The following JAKMIP2 variants were observed in gnomAD, a reference collection of about 807,000 sequenced individuals.
The protein encoded by JAKMIP2 is janus kinase and microtubule-interacting protein 2.
A neutral mutation model predicts 115.0 loss-of-function variants in JAKMIP2; 25 were observed. The ratio of observed to expected loss-of-function variants is 0.22; its 90% CI spans 0.16 to 0.30. The LOEUF (loss-of-function observed/expected upper bound fraction) is 0.30, where lower values mean the gene tolerates loss of function less well. Ranked by LOEUF, JAKMIP2 falls within the 10% of genes least tolerant of loss-of-function variation. The pLI is 1.00. For synonymous variants in JAKMIP2, 334 were observed against 343.6 expected, an observed-to-expected ratio of 0.97 and a Z score of 0.31; for missense variants, 642 against 957.6, an observed-to-expected ratio of 0.67 and a Z score of 4.35.
At chr5:147,621,016 A>AT (rs1167171763) in intron 17 of JAKMIP2, among the ~76,000 whole-genome samples, 3 of 152,232 alleles carry the variant, frequency 2.0e-5, no homozygotes, top group African/African-American at 7.2e-5. Flanking sequence ...TTAAGTATAG[A>AT]TTTTGACTAG....
At chr5:147,630,942 C>T (rs1473827055) in intron 14 of JAKMIP2, among the ~76,000 whole-genome samples, 2 of 152,082 alleles carry the variant, frequency 1.3e-5, no homozygotes, top group African/African-American at 4.8e-5. Flanking sequence ...AAGAGGAATC[C>T]TCCCTAAATT....
At chr5:147,604,098 A>AGT (rs1481154576) in intron 20 of JAKMIP2, among the ~76,000 whole-genome samples, 4 of 152,186 alleles carry the variant, frequency 2.6e-5, no homozygotes, top group African/African-American at 9.6e-5. Context: ...GAAGATATTA[A>AGT]GTGTGGTCTT....
chr5:147,723,397 GA>G (rs925228639), intron 1 of JAKMIP2, among the ~76,000 whole-genome samples: 1 of 151,918 alleles, frequency 6.6e-6, no homozygotes, highest in African/African-American at 2.4e-5. Context: ...AGAATGGGGG[GA>G]AAGTTTAACA....
rs116377532 is a variant in JAKMIP2, at chr5:147,678,462, A to G, written c.-148-6508T>C. Reference sequence around the variant, plus strand: ...CTGGGTCCATCCATGTCACAAATGAAAATTTTCTTTGTTTTTAAAAGCTGA... The same window carrying G: ...CTGGGTCCATCCATGTCACAAATGAGAATTTTCTTTGTTTTTAAAAGCTGA... On this transcript the variant is annotated intron_variant, in intron 1 of 21. Transcript: ENST00000616793. Among the ~76,000 whole-genome samples the G allele has an allele frequency of 3.5e-3, 531 of 152,268 alleles. 3 individuals are homozygous for G. Among genetic ancestry groups the G allele is most frequent in the African/African-American group, 0.012 (492 of 41,558 alleles).
chr5:147,757,250 G>A (rs1445681366), intron 1 of JAKMIP2, among the ~76,000 whole-genome samples: 3 of 152,006 alleles, frequency 2.0e-5, no homozygotes, highest in African/African-American at 4.8e-5. Context: ...CAACCTTCCT[G>A]TAAACTTTTT....
At chr5:147,707,997 C>G (rs1017133105) in intron 1 of JAKMIP2, among the ~76,000 whole-genome samples, 1 of 152,032 alleles carries the variant, frequency 6.6e-6, no homozygotes, top group Non-Finnish European at 1.5e-5. Context: ...GAGAAGAGGG[C>G]AATTTAAATT....
At chr5:147,657,202 C>T (rs1186046401) in intron 3 of JAKMIP2, among the ~76,000 whole-genome samples, 1 of 150,110 alleles carries the variant, frequency 6.7e-6, no homozygotes, top group Non-Finnish European at 1.5e-5. Flanking sequence ...ATGGCATGAA[C>T]CCGGGAGGCG....
chr5:147,739,781 A>G (rs188642898), intron 1 of JAKMIP2, among the ~76,000 whole-genome samples: 2 of 152,066 alleles, frequency 1.3e-5, no homozygotes, highest in African/African-American at 4.8e-5. Flanking sequence ...CGCTTAAATC[A>G]AGTTCTGAGC....
At chr5:147,777,364 G>A (rs1755596403) in intron 1 of JAKMIP2, among the ~76,000 whole-genome samples, 1 of 152,130 alleles carries the variant, frequency 6.6e-6, no homozygotes. Context: ...TTAAAATTCA[G>A]TAGAGACACA....
At chr5:147,664,380 T>C (rs1490248908) in intron 2 of JAKMIP2, among the ~76,000 whole-genome samples, 1 of 152,150 alleles carries the variant, frequency 6.6e-6, no homozygotes, top group Non-Finnish European at 1.5e-5. Context: ...TCAGGAAGGT[T>C]TGGTTGGATT....
rs574582792 is a variant in JAKMIP2 at position 147,772,289 on chromosome 5, T to C, written c.-149+10167A>G. 9.6e-4 allele frequency among the ~76,000 whole-genome samples: 146 copies of C among 152,276 alleles called. 2 individuals carry two copies. The highest frequency in any genetic ancestry group is 3.4e-3 in the African/African-American group (142 of 41,560). ...TCATTGGGATTGCCCACAAACCAGATCTAAAGCATTAAATTTCATACAGAT... is the reference window on the plus strand; with the variant it reads ...TCATTGGGATTGCCCACAAACCAGACCTAAAGCATTAAATTTCATACAGAT... On this transcript the variant is annotated intron_variant, in intron 1 of 21. Transcript: ENST00000616793.
chr5:147,634,054 T>C (rs188394828), intron 12 of JAKMIP2, among the ~76,000 whole-genome samples: 2 of 152,322 alleles, frequency 1.3e-5, no homozygotes, highest in East Asian at 3.9e-4. Flanking sequence ...GAGCTTCCCT[T>C]GATATTAGCT....
intron 12 of JAKMIP2, 152 bp downstream of exon 12, chr5:147,636,070 G>C: frequency 1.6e-6 from 1 of 623,608 alleles, no homozygotes; most frequent in South Asian, 1.9e-5. Context: ...CGGTGACAGG[G>C]ATGCGGTTGA....
At chr5:147,740,380 C>CAG (rs1398453918) in intron 1 of JAKMIP2, among the ~76,000 whole-genome samples, 10 of 152,196 alleles carry the variant, frequency 6.6e-5, no homozygotes, top group African/African-American at 2.4e-4. Flanking sequence ...ACTGTGAAGC[C>CAG]AGACTGCACA....
At chr5:147,695,826 T>C (rs1752084224) in intron 1 of JAKMIP2, among the ~76,000 whole-genome samples, 1 of 152,026 alleles carries the variant, frequency 6.6e-6, no homozygotes, top group Admixed American at 6.6e-5. Flanking sequence ...TGACTTAGAC[T>C]GAGACCTAAG....
intron 1 of JAKMIP2, among the ~76,000 whole-genome samples, chr5:147,702,767 T>C (rs1036208938): frequency 6.6e-6 from 1 of 151,946 alleles, no homozygotes; most frequent in Non-Finnish European, 1.5e-5. Context: ...AAGCTGATGA[T>C]CCAAACATGG....
rs182107746 is a variant in JAKMIP2, at chr5:147,587,454, T to A, written c.*4253A>T. ...TGTGTGTGTGTGTTTGTGTGTGTAT[T>A]CTGTGCCACTCTTTGACAGATTGAA... On this transcript the variant is annotated 3_prime_UTR_variant, in exon 22 of 22. Coordinates refer to ENST00000616793, the MANE Select transcript of JAKMIP2 (RefSeq NM_001270941.2). The A allele has an allele frequency of 1.0e-3, 153 of 152,104 alleles. No individual in the cohort carries two copies. The highest frequency in any genetic ancestry group is 3.3e-3 in the African/African-American group (135 of 41,528). 9.4% of individuals were successfully genotyped at this position (152,104 alleles called of 1,614,324 possible).
At chr5:147,759,099 T>C (rs1201950778) in intron 1 of JAKMIP2, among the ~76,000 whole-genome samples, 1 of 152,090 alleles carries the variant, frequency 6.6e-6, no homozygotes, top group Non-Finnish European at 1.5e-5. Flanking sequence ...GCTGGGTAAA[T>C]TGTTTCCAGA....
intron 20 of JAKMIP2, among the ~76,000 whole-genome samples, chr5:147,611,545 C>A (rs1306221549): frequency 6.6e-6 from 1 of 152,158 alleles, no homozygotes; most frequent in Non-Finnish European, 1.5e-5. Context: ...ATGAGATGAA[C>A]CAGGTACCTC....
Sources: gnomAD v4.1 joint callset for allele counts (sites outside exome capture counted in the v4.1 genomes callset) on GRCh38, gnomAD v4.1.1 for gene constraint, MANE v1.5 for transcripts, NCBI Gene and HGNC (gene_info 2026-07-23, HGNC 2026-07-21) for gene names.